DDX42: variants seen among roughly 807,000 people sequenced by gnomAD.
The protein encoded by DDX42 is ATP-dependent RNA helicase DDX42.
DDX42 carries 22 observed loss-of-function variants against 101.5 expected under a neutral mutation model. The observed-to-expected ratio is 0.22, with a 90% CI of 0.15 to 0.31. The LOEUF is 0.31. Ranked by LOEUF, DDX42 falls within the 10% of genes least tolerant of loss-of-function variation. The probability of loss-of-function intolerance (pLI) is 1.00; values close to 1 mark genes in which losing one functional copy is unlikely to be tolerated. For missense variants in DDX42, 849 were observed against 1,199.9 expected (o/e 0.71, Z 4.32); for synonymous variants, 402 against 401.2 (o/e 1.00, Z -0.02).
chr17:63,793,346 C>T (rs1274349063), intron 3 of DDX42, among the ~76,000 whole-genome samples: 1 of 151,828 alleles, frequency 6.6e-6, no homozygotes, highest in Non-Finnish European at 1.5e-5. Flanking sequence ...TGGCTCACTG[C>T]AGCCTCAAAC....
At position 63,786,597 on chromosome 17, in the gene DDX42, A is replaced by G. The variant is rs188129075; in HGVS notation, c.-16-437A>G. Among the ~76,000 whole-genome samples, 813 of 152,204 alleles carry G rather than the reference A, an allele frequency of 5.3e-3. 5 individuals carry two copies. The highest frequency in any genetic ancestry group is 0.018 in the African/African-American group (741 of 41,534). The stretch of plus-strand genomic sequence containing the variant: ...GGGCCACTCTCCTGACTACAGTGTT[A>G]TAGTTTTAATTGAGAAGCTAAAATT... On this transcript the variant is annotated intron_variant, in intron 1 of 17. Coordinates refer to ENST00000389924, the MANE Select transcript of DDX42 (RefSeq NM_203499.3).
At chr17:63,808,979 C>T (rs758903782) in intron 10 of DDX42, 31 bp downstream of exon 10, 1 of 1,605,416 alleles carries the variant, frequency 6.2e-7, no homozygotes, top group Non-Finnish European at 8.5e-7. Flanking sequence ...AATGGCTTCT[C>T]AGCCTCCCTC....
rs770547328 is a variant in DDX42 at position 63,818,204 on chromosome 17, C to A, written c.2623C>A (p.Arg875=). ...AAGCGCAGGCCGGCATGGGGAGAAC[C>A]GGGGTGCAAATGATGGTCGGAATGG... ...GGSAGRHGEN[R]GANDGRNGES... Residue 875 remains arginine, a synonymous_variant, in exon 18 of 18, where the codon CGG becomes AGG. Coordinates refer to ENST00000389924, the MANE Select transcript of DDX42 (RefSeq NM_203499.3). 55 of 1,613,770 alleles carry A rather than the reference C, an allele frequency of 3.4e-5. No individual in the cohort carries two copies. Among genetic ancestry groups the A allele is most frequent in the Non-Finnish European group, 4.7e-5 (55 of 1,180,002 alleles).
At chr17:63,791,003 G>C (rs117975509) in intron 2 of DDX42, among the ~76,000 whole-genome samples, 1,645 of 152,300 alleles carry the variant, frequency 0.011, 55 homozygotes, top group South Asian at 0.088. Flanking sequence ...TTACATTAGT[G>C]TGTATATATA....
intron 7 of DDX42, 200 bp from the exon 8 acceptor site, chr17:63,806,335 T>G: frequency 7.7e-6 from 3 of 390,854 alleles, no homozygotes; most frequent in Non-Finnish European, 1.3e-5. Flanking sequence ...TTGGGAATAT[T>G]TATCATGGAG....
intron 6 of DDX42, among the ~76,000 whole-genome samples, chr17:63,801,733 A>G (rs1019454414): frequency 2.0e-5 from 3 of 151,946 alleles, no homozygotes; most frequent in African/African-American, 4.8e-5. Flanking sequence ...GGGATTACAG[A>G]TGTGAGCCAC....
At chr17:63,817,614 C>A in intron 17 of DDX42, 80 bp from the exon 18 acceptor site, 1 of 1,387,698 alleles carries the variant, frequency 7.2e-7, no homozygotes, top group Non-Finnish European at 1.0e-6. Context: ...TTTCTGTAAA[C>A]CTCATCATTT....
At chr17:63,806,459 A>C (rs983691321) in intron 7 of DDX42, 76 bp from the exon 8 acceptor site, 323 of 1,453,896 alleles carry the variant, frequency 2.2e-4, no homozygotes, top group Middle Eastern at 5.4e-4. Context: ...TGCTAGATCC[A>C]GGTAAGTATT....
chr17:63,805,409 A>T (rs895507304), intron 7 of DDX42: 2 of 472,344 alleles, frequency 4.2e-6, no homozygotes, highest in African/African-American at 4.1e-5. Flanking sequence ...AGTCAGTTTT[A>T]TATGTTCTGT....
chr17:63,806,828 T>A (rs1257880385), intron 8 of DDX42, among the ~76,000 whole-genome samples, 174 bp downstream of exon 8: 3 of 152,250 alleles, frequency 2.0e-5, no homozygotes, highest in Non-Finnish European at 4.4e-5. Context: ...TTCTTTTGTA[T>A]CTGATACGTA....
rs561779611 is a variant in DDX42, at chr17:63,790,531, C to T, written c.222-1881C>T. Among the ~76,000 whole-genome samples, 5 of 152,100 alleles carry T rather than the reference C, an allele frequency of 3.3e-5. No homozygotes were observed. In the South Asian group the frequency reaches 6.2e-4, roughly 19 times the overall value. On this transcript the variant is annotated intron_variant, in intron 2 of 17. Transcript: ENST00000389924. Reference sequence around the variant, plus strand: ...ATCCCAGCACTTTGGAAGGCCGAGGCGGGCGGATCGCCTGAAGTCAGGAGT... The same window carrying T: ...ATCCCAGCACTTTGGAAGGCCGAGGTGGGCGGATCGCCTGAAGTCAGGAGT...
chr17:63,791,742 A>G (rs919854433), intron 2 of DDX42, among the ~76,000 whole-genome samples: 8 of 152,196 alleles, frequency 5.3e-5, no homozygotes, highest in African/African-American at 1.4e-4. Flanking sequence ...CTGGATTTCT[A>G]ATGTTTCAGT....
chr17:63,795,291 C>T (rs558802387), intron 3 of DDX42, among the ~76,000 whole-genome samples: 2 of 152,282 alleles, frequency 1.3e-5, no homozygotes, highest in East Asian at 3.9e-4. Context: ...TACATCAATC[C>T]CTGTTTTCTT....
intron 2 of DDX42, among the ~76,000 whole-genome samples, chr17:63,790,331 C>A (rs1445527149): frequency 6.6e-6 from 1 of 152,094 alleles, no homozygotes; most frequent in Non-Finnish European, 1.5e-5. Flanking sequence ...AGCATATAGA[C>A]TATATATTTT....
intron 2 of DDX42, among the ~76,000 whole-genome samples, chr17:63,791,344 C>G (rs2039625100): frequency 6.6e-6 from 1 of 152,122 alleles, no homozygotes; most frequent in Non-Finnish European, 1.5e-5. Flanking sequence ...GAGAGTCTTG[C>G]TCTGTCACCC....
chr17:63,775,996 A>G (rs1568256737), intron 1 of DDX42: 1 of 152,186 alleles, frequency 6.6e-6, no homozygotes, highest in African/African-American at 2.4e-5. Context: ...GAAGAATGTG[A>G]TTACGTTCTT....
intron 2 of DDX42, among the ~76,000 whole-genome samples, chr17:63,787,711 G>A (rs1051977162): frequency 4.0e-5 from 6 of 151,870 alleles, no homozygotes; most frequent in Non-Finnish European, 7.4e-5. Context: ...GGTGGTGCAC[G>A]CCTATAATCC....
At chr17:63,801,557 T>A (rs2039770279) in intron 6 of DDX42, among the ~76,000 whole-genome samples, 1 of 151,904 alleles carries the variant, frequency 6.6e-6, no homozygotes, top group African/African-American at 2.4e-5. Flanking sequence ...CCAGACGAAG[T>A]CTTGCTCTAT....
chr17:63,784,884 A>G (rs2039527718), intron 1 of DDX42, among the ~76,000 whole-genome samples: 1 of 152,196 alleles, frequency 6.6e-6, no homozygotes, highest in African/African-American at 2.4e-5. Context: ...AGCTATAATG[A>G]TGTGTTTTGC....
Sources: allele counts gnomAD v4.1 joint callset (sites outside exome capture counted in the v4.1 genomes callset), GRCh38; gene constraint gnomAD v4.1.1; transcripts MANE v1.5; gene names NCBI Gene and HGNC (gene_info 2026-07-23, HGNC 2026-07-21).